SORCS1: variants seen among roughly 807,000 people sequenced by gnomAD.
SORCS1 encodes the protein VPS10 domain-containing receptor SorCS1.
A neutral mutation model predicts 146.1 loss-of-function variants in SORCS1; 60 were observed. The ratio of observed to expected loss-of-function variants is 0.41; its 90% CI spans 0.33 to 0.51. The LOEUF (loss-of-function observed/expected upper bound fraction) is 0.51. Among genes scored for constraint, SORCS1 ranks in the 20% least tolerant of loss-of-function variants. The probability of loss-of-function intolerance (pLI) is 0.21; values close to 1 mark genes in which losing one functional copy is unlikely to be tolerated. For missense variants in SORCS1, 1,352 were observed against 1,487.6 expected, an observed-to-expected ratio of 0.91 and a Z score of 1.50; for synonymous variants, 637 against 584.0, an observed-to-expected ratio of 1.09 and a Z score of -1.31.
chr10:106,781,196 C>G (rs1860868131), intron 3 of SORCS1, among the ~76,000 whole-genome samples: 1 of 152,134 alleles, frequency 6.6e-6, no homozygotes, highest in Admixed American at 6.5e-5. Context: ...AAATTCTTTT[C>G]CTAGATATGC....
chr10:107,116,990 T>C (rs1195359288), intron 1 of SORCS1, among the ~76,000 whole-genome samples: 1 of 152,142 alleles, frequency 6.6e-6, no homozygotes, highest in African/African-American at 2.4e-5. Flanking sequence ...ACAATTATTG[T>C]TGATATCCAA....
At chr10:106,980,642 T>C (rs1413313279) in intron 1 of SORCS1, among the ~76,000 whole-genome samples, 2 of 152,368 alleles carry the variant, frequency 1.3e-5, no homozygotes, top group South Asian at 4.1e-4. Context: ...TGCCTGTAAG[T>C]GGCCTTGCTG....
At chr10:106,896,560 C>T (rs1951487788) in intron 2 of SORCS1, among the ~76,000 whole-genome samples, 1 of 151,528 alleles carries the variant, frequency 6.6e-6, no homozygotes, top group Admixed American at 6.6e-5. Flanking sequence ...TTAAGATCTG[C>T]TTCAAAACAA....
chr10:106,728,576 G>T (rs1856372308), intron 6 of SORCS1, among the ~76,000 whole-genome samples: 1 of 152,172 alleles, frequency 6.6e-6, no homozygotes, highest in Admixed American at 6.6e-5. Context: ...TCCCCCAAAA[G>T]GGAAACAAAC....
At chr10:106,646,659 T>C (rs925653159) in intron 18 of SORCS1, among the ~76,000 whole-genome samples, 2 of 152,090 alleles carry the variant, frequency 1.3e-5, no homozygotes, top group Non-Finnish European at 2.9e-5. Flanking sequence ...ATCTTGCCAC[T>C]GCACTCCAGC....
intron 17 of SORCS1, among the ~76,000 whole-genome samples, chr10:106,664,688 G>A (rs895503297): frequency 6.6e-6 from 1 of 151,892 alleles, no homozygotes; most frequent in African/African-American, 2.4e-5. Flanking sequence ...AAGAGTGAGG[G>A]GTCACAGGTA....
chr10:107,124,196 TTTACA>T (rs1966572673), intron 1 of SORCS1, among the ~76,000 whole-genome samples: 2 of 152,154 alleles, frequency 1.3e-5, no homozygotes, highest in South Asian at 4.1e-4. Flanking sequence ...TGCTAGTGTG[TTTACA>T]GGTATGTGTT....
chr10:106,672,813 C>T lies in SORCS1; in HGVS notation c.2058+55G>A, dbSNP rs534151986. 8.4e-5 allele frequency: 124 copies of T among 1,478,804 alleles called. No individual in the cohort carries two copies. In the African/African-American group the frequency reaches 1.2e-3, roughly 15 times the overall value. The allele number at this position is 1,478,804 out of a possible 1,614,324, so 91.6% of individuals were successfully genotyped here. A position where few individuals can be genotyped will look rare whatever the true frequency, so the allele number is the denominator to read the frequency against. Reference sequence around the variant, plus strand: ...CTATACCTTAGCAACTAGCTTTCCCCCAACACCACTCATGCTTCCTGCCCA... The same window carrying T: ...CTATACCTTAGCAACTAGCTTTCCCTCAACACCACTCATGCTTCCTGCCCA... On this transcript the variant is annotated intron_variant, in intron 15 of 25. Coordinates refer to ENST00000263054, the MANE Select transcript of SORCS1 (RefSeq NM_052918.5).
intron 3 of SORCS1, among the ~76,000 whole-genome samples, chr10:106,808,763 AG>A (rs1302242221): frequency 6.6e-6 from 1 of 152,130 alleles, no homozygotes; most frequent in Non-Finnish European, 1.5e-5. Flanking sequence ...TGGCCTCCCA[AG>A]GTGTTGGGAT....
chr10:106,755,386 T>A (rs561280790), intron 5 of SORCS1, among the ~76,000 whole-genome samples: 1 of 152,330 alleles, frequency 6.6e-6, no homozygotes, highest in Non-Finnish European at 1.5e-5. Flanking sequence ...TTCATCAGAA[T>A]GGGGATAATA....
chr10:106,967,827 G>GCA (rs980251265), intron 1 of SORCS1, among the ~76,000 whole-genome samples: 1 of 151,846 alleles, frequency 6.6e-6, no homozygotes, highest in Non-Finnish European at 1.5e-5. Context: ...CACAGAAAAT[G>GCA]CACAGAATTC....
In SORCS1 at chr10:106,730,722, G is replaced by A. The variant is rs561408424; in HGVS notation, c.960-608C>T. ...AAAAGCCTATTTAAAATGCCTTGGA[G>A]ACACATATTATTTTGTGTAATCCTG... On this transcript the variant is annotated intron_variant, in intron 5 of 25. Coordinates refer to ENST00000263054, the MANE Select transcript of SORCS1 (RefSeq NM_052918.5). Among the ~76,000 whole-genome samples the A allele has an allele frequency of 4.6e-5, 7 of 152,238 alleles. No individual in the cohort carries two copies. In the East Asian group the frequency reaches 1.2e-3, roughly 25 times the overall value.
chr10:106,922,892 T>C (rs1211500503), intron 2 of SORCS1, among the ~76,000 whole-genome samples: 3 of 2,774 alleles, frequency 1.1e-3, no homozygotes, highest in Non-Finnish European at 0.12. Context: ...CAGCCTTTTC[T>C]TTTTTTTTTT....
intron 1 of SORCS1, among the ~76,000 whole-genome samples, chr10:107,006,245 A>G (rs192676612): frequency 6.6e-6 from 1 of 152,268 alleles, no homozygotes; most frequent in African/African-American, 2.4e-5. Flanking sequence ...AAAGCTCTTA[A>G]CCTATATCCT....
chr10:106,961,486 A>C (rs558852271), intron 1 of SORCS1, among the ~76,000 whole-genome samples: 2 of 152,320 alleles, frequency 1.3e-5, no homozygotes, highest in Middle Eastern at 3.4e-3. Flanking sequence ...GAAGCACAGG[A>C]ATTTTCCATT....
chr10:107,118,507 C>T (rs1241218077), intron 1 of SORCS1, among the ~76,000 whole-genome samples: 2 of 152,100 alleles, frequency 1.3e-5, no homozygotes, highest in South Asian at 4.1e-4. Flanking sequence ...TTTTTTTCCT[C>T]CACTGATTTA....
intron 2 of SORCS1, among the ~76,000 whole-genome samples, chr10:106,901,029 A>G (rs7919643): frequency 0.056 from 8,580 of 152,276 alleles, 641 homozygotes; most frequent in African/African-American, 0.16. Flanking sequence ...AAATGCTCAC[A>G]TATCAGTGGC....
intron 18 of SORCS1, among the ~76,000 whole-genome samples, chr10:106,646,207 A>T (rs1157544506): frequency 1.3e-5 from 2 of 151,920 alleles, no homozygotes. Flanking sequence ...GGCCAAGATC[A>T]TGCCACTTGC....
intron 21 of SORCS1, among the ~76,000 whole-genome samples, chr10:106,616,701 T>C (rs1382764582): frequency 6.6e-6 from 1 of 152,164 alleles, no homozygotes; most frequent in African/African-American, 2.4e-5. Context: ...GAAGAAATTA[T>C]AAAATCTAAC....
Sources: allele counts gnomAD v4.1 joint callset (sites outside exome capture counted in the v4.1 genomes callset), GRCh38; gene constraint gnomAD v4.1.1; transcripts MANE v1.5; gene names NCBI Gene and HGNC (gene_info 2026-07-23, HGNC 2026-07-21).